The following RCC1L variants were observed in gnomAD, a reference collection of about 807,000 sequenced individuals.
RCC1L encodes RCC1 like, also known as RCC1-like G exchanging factor-like protein.
A neutral mutation model predicts 58.6 loss-of-function variants in RCC1L; 46 were observed. The ratio of observed to expected loss-of-function variants is 0.79; its 90% CI spans 0.62 to 1.00. The LOEUF is 1.00. RCC1L is among the 50% of genes least tolerant of loss of function. The probability of loss-of-function intolerance (pLI) is 0.00; values close to 1 mark genes in which losing one functional copy is unlikely to be tolerated. For missense variants in RCC1L, 636 were observed against 623.6 expected (o/e 1.02, Z -0.21); for synonymous variants, 281 against 262.9 (o/e 1.07, Z -0.67).
intron 5 of RCC1L, among the ~76,000 whole-genome samples, chr7:75,062,081 G>A (rs1056228615): frequency 1.4e-3 from 206 of 152,144 alleles, no homozygotes; most frequent in African/African-American, 3.6e-3. Context: ...CCAGCAACTC[G>A]GGAGTCTGAG....
At chr7:75,069,830 G>A (rs1554445761) in intron 2 of RCC1L, among the ~76,000 whole-genome samples, 1 of 152,012 alleles carries the variant, frequency 6.6e-6, no homozygotes, top group East Asian at 1.9e-4. Flanking sequence ...TTCCCAAAGT[G>A]CTGGGATTAC....
At chr7:75,061,137 C>T (rs902472472) in intron 6 of RCC1L, 70 bp downstream of exon 6, 3 of 1,290,178 alleles carry the variant, frequency 2.3e-6, no homozygotes, top group Non-Finnish European at 2.3e-6. Flanking sequence ...CATAAATGCC[C>T]TACAGCTCAC....
downstream of RCC1L, among the ~76,000 whole-genome samples, chr7:75,040,123 A>G (rs889770876): frequency 1.1e-4 from 16 of 152,132 alleles, no homozygotes; most frequent in Non-Finnish European, 2.9e-5. Flanking sequence ...GACAAACCGA[A>G]GGACGTCCCT....
chr7:75,039,624 G>C (rs1382096238), downstream of RCC1L, among the ~76,000 whole-genome samples: 1 of 152,142 alleles, frequency 6.6e-6, no homozygotes, highest in East Asian at 1.9e-4. Context: ...CGAGGGAGAT[G>C]GGGGGGAGGC....
chr7:75,036,469 G>C (rs1805432800), intron 10 of RCC1L, among the ~76,000 whole-genome samples: 1 of 152,106 alleles, frequency 6.6e-6, no homozygotes, highest in South Asian at 2.1e-4. Flanking sequence ...CTGCAGGGCA[G>C]GTGGCAGACC....
At chr7:75,036,659 C>T (rs1052408344) in intron 10 of RCC1L, among the ~76,000 whole-genome samples, 2 of 151,982 alleles carry the variant, frequency 1.3e-5, no homozygotes, top group East Asian at 1.9e-4. Flanking sequence ...TTTGGGAGGC[C>T]GAGGTGGGCG....
At chr7:75,038,761 T>C (rs1001777592), downstream of RCC1L, among the ~76,000 whole-genome samples, 1 of 152,040 alleles carries the variant, frequency 6.6e-6, no homozygotes, top group Non-Finnish European at 1.5e-5. Context: ...AGGGGGCCCT[T>C]GAGGAGCTCA....
At chr7:75,028,051 G>A in exon 11 of RCC1L, 1 of 1,534,380 alleles carries the variant, frequency 6.5e-7, no homozygotes, top group Non-Finnish European at 8.7e-7. Flanking sequence ...TGGGCCTGTT[G>A]TCTTGGCGCT....
chr7:75,055,877 G>A, intron 9 of RCC1L, 24 bp downstream of exon 9: 1 of 1,613,924 alleles, frequency 6.2e-7, no homozygotes, highest in Non-Finnish European at 8.5e-7. Flanking sequence ...GCTCACACCA[G>A]GGCCACCGGG....
intron 4 of RCC1L, 53 bp downstream of exon 4, chr7:75,064,529 A>G: frequency 2.5e-6 from 4 of 1,603,740 alleles, no homozygotes; most frequent in Non-Finnish European, 3.4e-6. Context: ...CTCCCTAGAA[A>G]TGTTTTGACA....
At position 75,064,649 on chromosome 7, in the gene RCC1L, C is replaced by A. The variant is rs1806398872; in HGVS notation, c.584-1G>T. ...TAAGAATTGTTTCCCATGCTGAAGA[C>A]TAAAAATAACACCACCAATCAAATC... is the stretch of plus-strand genomic sequence containing the variant. On this transcript the variant is annotated splice_acceptor_variant, in intron 3 of 10. Coordinates refer to ENST00000610322, the MANE Select transcript of RCC1L (RefSeq NM_030798.5). LOFTEE classifies it high-confidence loss of function. 3 of 1,613,748 alleles carry A rather than the reference C, an allele frequency of 1.9e-6. No individual in the cohort carries two copies. In the African/African-American group the frequency reaches 4.0e-5, roughly 22 times the overall value.
chr7:75,061,114 A>G (rs1806264188), intron 6 of RCC1L, 93 bp downstream of exon 6: 1 of 1,006,682 alleles, frequency 9.9e-7, no homozygotes, highest in Non-Finnish European at 1.6e-6. Flanking sequence ...ATTAAGGAAG[A>G]AGGGTTCTAG....
exon 11 of RCC1L, chr7:75,027,991 TG>T: frequency 6.5e-7 from 1 of 1,531,886 alleles, no homozygotes; most frequent in African/African-American, 1.4e-5. Context: ...CGCAGTTGCA[TG>T]GAACTCCTTA....
chr7:75,065,299 A>G (rs587662745), intron 3 of RCC1L, among the ~76,000 whole-genome samples: 15 of 152,300 alleles, frequency 9.8e-5, no homozygotes, highest in African/African-American at 3.4e-4. Context: ...TCATGACTGT[A>G]ATCTCAGCTT....
rs1160994100 is a variant in RCC1L, at chr7:75,064,658, A to C, written c.584-10T>G. The C allele has an allele frequency of 6.8e-6, 11 of 1,613,580 alleles. No individual in the cohort carries two copies. Among genetic ancestry groups the C allele is most frequent in the African/African-American group, 5.3e-5 (4 of 74,884 alleles). ...TTTCCCATGCTGAAGACTAAAAATA[A>C]CACCACCAATCAAATCAGTTCTGCA... On this transcript the variant is annotated splice_polypyrimidine_tract_variant and intron_variant, in intron 3 of 10. Transcript: ENST00000610322.
At chr7:75,056,184 T>G (rs1434995827) in intron 8 of RCC1L, 110 bp from the exon 9 acceptor site, 12 of 1,354,512 alleles carry the variant, frequency 8.9e-6, no homozygotes, top group East Asian at 4.6e-5. Flanking sequence ...GGTTTTTTTT[T>G]GTTTTTTTTT....
intron 10 of RCC1L, chr7:75,028,116 ATTTTTT>A: frequency 6.3e-6 from 8 of 1,263,746 alleles, no homozygotes; most frequent in Non-Finnish European, 6.3e-6. Context: ...ATGATGTGGA[ATTTTTT>A]TTTTTTTTTT....
At chr7:75,058,530 C>A in intron 7 of RCC1L, 58 bp downstream of exon 7, 3 of 1,549,228 alleles carry the variant, frequency 1.9e-6, no homozygotes, top group Non-Finnish European at 2.6e-6. Context: ...CACACCCGGC[C>A]CCTTAACACT....
At chr7:75,070,561 C>A in intron 2 of RCC1L, 79 bp downstream of exon 2, 1 of 1,558,370 alleles carries the variant, frequency 6.4e-7, no homozygotes, top group Non-Finnish European at 8.7e-7. Context: ...CAGACTGAGA[C>A]TCTGTCTCAA....
Sources: gnomAD v4.1 joint callset for allele counts (sites outside exome capture counted in the v4.1 genomes callset) on GRCh38, gnomAD v4.1.1 for gene constraint, MANE v1.5 for transcripts, NCBI Gene and HGNC (gene_info 2026-07-23, HGNC 2026-07-21) for gene names.